The following ELFN1 variants were observed in gnomAD, a reference collection of about 807,000 sequenced individuals.
ELFN1 encodes the protein protein ELFN1.
In ELFN1, 6 loss-of-function variants were observed where a neutral mutation model predicts 7.6. The observed-to-expected ratio is 0.79, with a 90% CI of 0.43 to 1.56. ELFN1 has a LOEUF of 1.56. ELFN1 is among the 40% of genes most tolerant of loss of function. The pLI is 0.01. For synonymous variants in ELFN1, 657 were observed against 588.1 expected (o/e 1.12, Z -1.70); for missense variants, 1,169 against 1,232.2 (o/e 0.95, Z 0.77).
chr7:1,743,414 A>C (rs1056494012), intron 3 of ELFN1, among the ~76,000 whole-genome samples: 1 of 152,086 alleles, frequency 6.6e-6, no homozygotes, highest in Middle Eastern at 3.2e-3. Flanking sequence ...GAGCCTGGAA[A>C]TTCTCCGCAG....
intron 3 of ELFN1, among the ~76,000 whole-genome samples, chr7:1,720,835 A>G (rs1779999717): frequency 6.6e-6 from 1 of 151,202 alleles, no homozygotes; most frequent in African/African-American, 2.4e-5. Context: ...TGAAGTAACG[A>G]TTACTAAATA....
At chr7:1,671,426 T>G (rs12113799) in intron 1 of ELFN1, among the ~76,000 whole-genome samples, 46,092 of 152,240 alleles carry the variant, frequency 0.3, 7,082 homozygotes, top group African/African-American at 0.32. Flanking sequence ...TGGGGCCTCT[T>G]TGGACCCTGG....
At chr7:1,716,823 AG>A (rs1779847625) in intron 3 of ELFN1, among the ~76,000 whole-genome samples, 2 of 152,166 alleles carry the variant, frequency 1.3e-5, no homozygotes, top group Admixed American at 1.3e-4. Flanking sequence ...GCCAGCACCA[AG>A]GCCTGGCTTG....
chr7:1,743,736 C>T (rs1189436348), intron 3 of ELFN1, among the ~76,000 whole-genome samples: 2 of 152,174 alleles, frequency 1.3e-5, no homozygotes, highest in Non-Finnish European at 1.5e-5. Context: ...GCGGTGAGTG[C>T]GCAGGGTAGC....
chr7:1,727,196 T>C (rs1780221589), intron 3 of ELFN1, among the ~76,000 whole-genome samples: 1 of 152,188 alleles, frequency 6.6e-6, no homozygotes, highest in South Asian at 2.1e-4. Flanking sequence ...GAAGAATGAA[T>C]GAGCACACGA....
At chr7:1,693,104 C>G (rs1331924037) in intron 2 of ELFN1, 4 of 331,330 alleles carry the variant, frequency 1.2e-5, no homozygotes, top group African/African-American at 8.6e-5. Context: ...CGTCCTTCAC[C>G]CTCCTTAAGG....
intron 3 of ELFN1, chr7:1,742,275 TC>T (rs1455097339): frequency 1.3e-5 from 2 of 152,330 alleles, no homozygotes; most frequent in East Asian, 3.9e-4. Context: ...GCGCCACGCT[TC>T]CTACACGCTT....
chr7:1,690,275 G>A (rs1199421166), intron 2 of ELFN1, among the ~76,000 whole-genome samples: 1 of 151,350 alleles, frequency 6.6e-6, no homozygotes, highest in Non-Finnish European at 1.5e-5. Flanking sequence ...GGGTGAGTGG[G>A]TAGGTGGATA....
chr7:1,714,597 T>C (rs1489549188), intron 3 of ELFN1, among the ~76,000 whole-genome samples: 1 of 152,258 alleles, frequency 6.6e-6, no homozygotes, highest in African/African-American at 2.4e-5. Context: ...AGTTGGATGC[T>C]GTAGCCCCGG....
At chr7:1,683,786 A>G (rs1263580520) in intron 1 of ELFN1, among the ~76,000 whole-genome samples, 2 of 152,214 alleles carry the variant, frequency 1.3e-5, no homozygotes, top group South Asian at 2.1e-4. Flanking sequence ...CATATTTATC[A>G]TTATGAAACC....
intron 2 of ELFN1, among the ~76,000 whole-genome samples, chr7:1,688,417 G>C (rs961040901): frequency 3.9e-5 from 6 of 151,988 alleles, no homozygotes; most frequent in African/African-American, 1.4e-4. Context: ...TTAAGTTCTT[G>C]AAGATGCTCT....
rs561479655 is a variant in ELFN1, at chr7:1,737,980, C to G, written c.-293-6324C>G. On this transcript the variant is annotated intron_variant, in intron 3 of 3. Coordinates refer to ENST00000424383, the MANE Select transcript of ELFN1 (RefSeq NM_001128636.4). ...CCTGCCTGTGGGAGGCAGAGCTGTC[C>G]CAAGGTGGAAGCCTGGTAGGCTCAG... Among the ~76,000 whole-genome samples the G allele has an allele frequency of 5.5e-3, 841 of 152,356 alleles. 9 individuals are homozygous for G. Among genetic ancestry groups the G allele is most frequent in the Non-Finnish European group, 7.5e-3 (511 of 68,024 alleles).
intron 3 of ELFN1, among the ~76,000 whole-genome samples, chr7:1,721,978 T>A (rs377455938): frequency 6.6e-6 from 1 of 152,204 alleles, no homozygotes; most frequent in African/African-American, 2.4e-5. Flanking sequence ...CTGGGGTGTG[T>A]ACATCCCATC....
In ELFN1 at chr7:1,701,634, A is replaced by G. The variant is rs572158598; in HGVS notation, c.-455-7457A>G. ...AGACCAGCCTAGGCAACATGGCAAG[A>G]CCCCTTCTCTAAAAAAAATTAATGG... On this transcript the variant is annotated intron_variant, in intron 2 of 3. Coordinates refer to ENST00000424383, the MANE Select transcript of ELFN1 (RefSeq NM_001128636.4). Among the ~76,000 whole-genome samples, 5 of 151,178 alleles carry G rather than the reference A, an allele frequency of 3.3e-5. 1 individual carries two copies. The highest frequency in any genetic ancestry group is 1.2e-4 in the African/African-American group (5 of 41,138).
intron 1 of ELFN1, among the ~76,000 whole-genome samples, chr7:1,684,159 A>AT (rs1002045551): frequency 9.9e-5 from 15 of 151,662 alleles, no homozygotes; most frequent in Non-Finnish European, 2.1e-4. Context: ...CCCCAAAAAA[A>AT]TTTTTTACCT....
rs1400290706 is a variant in ELFN1 at position 1,673,398 on chromosome 7, C to A, written c.-549+3044C>A. 6.6e-6 allele frequency among the ~76,000 whole-genome samples: 1 copy of A among 152,144 alleles called. No homozygotes were observed. The highest frequency in any genetic ancestry group is 1.5e-5 in the Non-Finnish European group (1 of 68,016). Reference sequence around the variant, plus strand: ...GTTGGGGGCTGCTGCCTCCCTTCACCCCTGTGCACCCTGAGCCAGTCAGTG... The same window carrying A: ...GTTGGGGGCTGCTGCCTCCCTTCACACCTGTGCACCCTGAGCCAGTCAGTG... On this transcript the variant is annotated intron_variant, in intron 1 of 3. Coordinates refer to ENST00000424383, the MANE Select transcript of ELFN1 (RefSeq NM_001128636.4). The surrounding 1 kb of genome is among the most constrained non-coding windows in gnomAD (Gnocchi z 4.7).
chr7:1,704,900 G>C (rs1202015107), intron 2 of ELFN1, among the ~76,000 whole-genome samples: 1 of 152,138 alleles, frequency 6.6e-6, no homozygotes, highest in Non-Finnish European at 1.5e-5. Flanking sequence ...GCCTCATGGA[G>C]CTCCCGGCTG....
chr7:1,674,417 T>C (rs1778827429), intron 1 of ELFN1, among the ~76,000 whole-genome samples: 1 of 152,182 alleles, frequency 6.6e-6, no homozygotes, highest in Admixed American at 6.5e-5. Context: ...TCCTCAGGAC[T>C]CACGGCTTCC....
chr7:1,687,879 T>A (rs1779087269), intron 1 of ELFN1, among the ~76,000 whole-genome samples, 179 bp from the exon 2 acceptor site: 1 of 152,096 alleles, frequency 6.6e-6, no homozygotes, highest in South Asian at 2.1e-4. Flanking sequence ...AAAGTCATAT[T>A]TGTCTTTTTT....
Sources: allele counts gnomAD v4.1 joint callset (sites outside exome capture counted in the v4.1 genomes callset), GRCh38; gene constraint gnomAD v4.1.1; non-coding constraint Gnocchi (gnomAD v3.1); transcripts MANE v1.5; gene names NCBI Gene and HGNC (gene_info 2026-07-23, HGNC 2026-07-21).